PPP2R5C: variants seen among roughly 807,000 people sequenced by gnomAD.
PPP2R5C encodes serine/threonine-protein phosphatase 2A 56 kDa regulatory subunit gamma isoform.
A neutral mutation model predicts 68.9 loss-of-function variants in PPP2R5C; 7 were observed. That is an observed-to-expected ratio of 0.10 (90% CI 0.06 to 0.19). The LOEUF (loss-of-function observed/expected upper bound fraction) is 0.19. PPP2R5C is among the 10% of genes least tolerant of loss of function. The pLI is 1.00. For missense variants in PPP2R5C, 348 were observed against 641.3 expected (o/e 0.54, Z 4.94); for synonymous variants, 210 against 222.2 (o/e 0.95, Z 0.49).
chr14:101,852,091 A>G (rs72715678), intron 1 of PPP2R5C, among the ~76,000 whole-genome samples: 16,315 of 152,102 alleles, frequency 0.11, 911 homozygotes, highest in Non-Finnish European at 0.13. Context: ...AGCAAAAACA[A>G]CCTCCAGCAC....
chr14:101,809,728 C>T, upstream of PPP2R5C: 3 of 1,031,348 alleles, frequency 2.9e-6, no homozygotes, highest in Non-Finnish European at 3.9e-6. Flanking sequence ...GGCACACTGA[C>T]AGCCAAACAG....
In PPP2R5C at chr14:101,888,196, C is replaced by T. The variant is rs1566942448; in HGVS notation, c.630-2041C>T. Among the ~76,000 whole-genome samples, 2 of 152,072 alleles carry T rather than the reference C, an allele frequency of 1.3e-5. No homozygotes were observed. Reference sequence around the variant, plus strand: ...CAGGGGTCTTTGTCTCGGAGAGGCCCAGATCACAGCTCTCCAAGGTCCATG... The same window carrying T: ...CAGGGGTCTTTGTCTCGGAGAGGCCTAGATCACAGCTCTCCAAGGTCCATG... On this transcript the variant is annotated intron_variant, in intron 5 of 13. Coordinates refer to ENST00000334743, the Ensembl canonical transcript of PPP2R5C. This position sits in a 1 kb window ranked among gnomAD's most constrained non-coding sequence, Gnocchi z 5.6.
chr14:101,809,889 T>G (rs1158888641), upstream of PPP2R5C: 19 of 1,581,266 alleles, frequency 1.2e-5, no homozygotes, highest in Non-Finnish European at 1.5e-5. Context: ...TAAACTAAAA[T>G]GGAGGCTGGT....
intron 1 of PPP2R5C, chr14:101,839,555 G>C (rs181628690): frequency 6.6e-6 from 1 of 152,448 alleles, no homozygotes; most frequent in African/African-American, 2.4e-5. Context: ...CCTGCCCTCC[G>C]GCCCTGTGAT....
chr14:101,761,076 GA>G (rs1418494375), upstream of PPP2R5C, among the ~76,000 whole-genome samples: 104 of 123,298 alleles, frequency 8.4e-4, no homozygotes, highest in Non-Finnish European at 1.3e-3. Context: ...GGAGAGGAGG[GA>G]AGGGGAGGGG....
In PPP2R5C at chr14:101,852,047, G is replaced by A. The variant is rs77682494; in HGVS notation, c.95-4639G>A. ...ACAAAAGCCTTCACTGCCCAGTAGT[G>A]GTCTCCAAACTCTTCTGTCCACGCT... On this transcript the variant is annotated intron_variant, in intron 1 of 13. Transcript: ENST00000334743. Among the ~76,000 whole-genome samples the A allele has an allele frequency of 1.9e-4, 29 of 152,252 alleles. No individual in the cohort carries two copies. The East Asian group carries it at 5.6e-3, about 29-fold the overall frequency.
At chr14:101,896,432 C>T (rs558989669) in intron 8 of PPP2R5C, among the ~76,000 whole-genome samples, 242 of 151,936 alleles carry the variant, frequency 1.6e-3, no homozygotes, top group Non-Finnish European at 3.0e-3. Context: ...GCTTGTTGAC[C>T]AAAATCTGTA....
chr14:101,761,225 C>T, upstream of PPP2R5C, among the ~76,000 whole-genome samples: 1 of 152,206 alleles, frequency 6.6e-6, no homozygotes, highest in South Asian at 2.1e-4. Flanking sequence ...GGTGAGGGGG[C>T]AAGGCCAAGA....
rs376447967 is a variant in PPP2R5C at position 101,893,159 on chromosome 14, T to C, written c.798+51T>C. 8 of 1,289,968 alleles carry C rather than the reference T, an allele frequency of 6.2e-6. No homozygotes were observed. The African/African-American group carries it at 1.0e-4, about 17-fold the overall frequency. The allele number at this position is 1,289,968 out of a possible 1,614,324, so 79.9% of individuals were successfully genotyped here. On this transcript the variant is annotated intron_variant, in intron 7 of 13. Transcript: ENST00000334743. ...CACAGCTGTTGGCATTTGATCAGGA[T>C]TGAACACGAGATAGTGAATCCGGCC...
At position 101,879,728 on chromosome 14, in the gene PPP2R5C, C is replaced by T. The variant is rs1052348477; in HGVS notation, c.295-2433C>T. Among the ~76,000 whole-genome samples, 1 of 152,172 alleles carries T rather than the reference C, an allele frequency of 6.6e-6. No individual in the cohort carries two copies. Among genetic ancestry groups the T allele is most frequent in the African/African-American group, 2.4e-5 (1 of 41,442 alleles). On this transcript the variant is annotated intron_variant, in intron 2 of 13. Transcript: ENST00000334743. The surrounding 1 kb of genome is among the most constrained non-coding windows in gnomAD (Gnocchi z 4.2). ...TGTCCTGTGGGTGACTGGACCCTCA[C>T]CCCAGTCTCTTGGCTTTGAGAGAGA...
At chr14:101,919,992 A>C (rs969742531) in intron 13 of PPP2R5C, among the ~76,000 whole-genome samples, 18 of 149,212 alleles carry the variant, frequency 1.2e-4, no homozygotes, top group Middle Eastern at 3.4e-3. Flanking sequence ...AAAAAAAAAA[A>C]CCAATTCTTA....
rs1318126061 is a variant in PPP2R5C, at chr14:101,825,700, G to A, written c.94+15664G>A. Among the ~76,000 whole-genome samples, 3 of 152,212 alleles carry A rather than the reference G, an allele frequency of 2.0e-5. No homozygotes were observed. The highest frequency in any genetic ancestry group is 7.2e-5 in the African/African-American group (3 of 41,464). ...GTATTTCAGATATTCTCACTGTGTAGTTAGCCTGTTCAGTTTTTGTAGGTG... is the reference window on the plus strand; with the variant it reads ...GTATTTCAGATATTCTCACTGTGTAATTAGCCTGTTCAGTTTTTGTAGGTG... On this transcript the variant is annotated intron_variant, in intron 1 of 13. Coordinates refer to ENST00000334743, the Ensembl canonical transcript of PPP2R5C. This position sits in a 1 kb window ranked among gnomAD's most constrained non-coding sequence, Gnocchi z 4.0.
chr14:101,831,610 A>G lies in PPP2R5C; in HGVS notation c.94+21574A>G, dbSNP rs147948098. On this transcript the variant is annotated intron_variant, in intron 1 of 13. Transcript: ENST00000334743. Reference sequence around the variant, plus strand: ...CTCCTTATCATAGTACATTCCTTAAATAAGTACAAGAATTACAGTTGACCC... The same window carrying G: ...CTCCTTATCATAGTACATTCCTTAAGTAAGTACAAGAATTACAGTTGACCC... 8.4e-6 allele frequency: 5 copies of G among 592,246 alleles called. No individual in the cohort carries two copies. In the Admixed American group the frequency reaches 1.2e-4, roughly 14 times the overall value. 36.7% of individuals were successfully genotyped at this position (592,246 alleles called of 1,614,324 possible). A position where few individuals can be genotyped will look rare whatever the true frequency, so the allele number is the denominator to read the frequency against.
At chr14:101,776,623 C>T (rs1002428497) in intron 2 of PPP2R5C, among the ~76,000 whole-genome samples, 3 of 152,072 alleles carry the variant, frequency 2.0e-5, no homozygotes, top group Non-Finnish European at 2.9e-5. Context: ...CTCAGCGGGT[C>T]GTGCAGCCCT....
chr14:101,892,408 C>T (rs894286324), intron 6 of PPP2R5C, among the ~76,000 whole-genome samples: 1 of 151,768 alleles, frequency 6.6e-6, no homozygotes, highest in Admixed American at 6.6e-5. Context: ...GGGGGTCCCA[C>T]GTGAACTGTC....
intron 2 of PPP2R5C, among the ~76,000 whole-genome samples, chr14:101,880,559 G>A (rs769232797): frequency 2.2e-4 from 34 of 152,238 alleles, no homozygotes; most frequent in Non-Finnish European, 3.4e-4. Context: ...ACTTTGGGAG[G>A]CCGAGGCAGG....
chr14:101,871,590 T>C (rs929286774), intron 2 of PPP2R5C, among the ~76,000 whole-genome samples: 4 of 152,204 alleles, frequency 2.6e-5, no homozygotes, highest in African/African-American at 9.7e-5. Context: ...TTTCAGGGTG[T>C]TGAAACCATT....
At chr14:101,905,709 G>A (rs116139867) in intron 9 of PPP2R5C, among the ~76,000 whole-genome samples, 3,234 of 149,712 alleles carry the variant, frequency 0.022, 71 homozygotes, top group African/African-American at 0.053. Context: ...GTGGCTTCCC[G>A]TGAGTAAGCG....
At chr14:101,761,873 C>T, upstream of PPP2R5C, 6 of 1,130,368 alleles carry the variant, frequency 5.3e-6, no homozygotes, top group Non-Finnish European at 6.6e-6. Context: ...GCGGCGGCGG[C>T]GGCGGCGGCC....
Sources: allele counts gnomAD v4.1 joint callset (sites outside exome capture counted in the v4.1 genomes callset), GRCh38; gene constraint gnomAD v4.1.1; non-coding constraint Gnocchi (gnomAD v3.1); transcripts MANE v1.5; gene names NCBI Gene and HGNC (gene_info 2026-07-23, HGNC 2026-07-21).